INTS6: variants seen among roughly 807,000 people sequenced by gnomAD.
The protein encoded by INTS6 is DEAD box protein.
In INTS6, 16 loss-of-function variants were observed where a neutral mutation model predicts 104.9. The ratio of observed to expected loss-of-function variants is 0.15; its 90% confidence interval spans 0.10 to 0.23. INTS6 has a LOEUF of 0.23. Among genes scored for constraint, INTS6 ranks in the 10% least tolerant of loss-of-function variants. The pLI, the probability that INTS6 is intolerant of heterozygous loss-of-function variation, is 1.00. For synonymous variants in INTS6, 324 were observed against 358.7 expected (o/e 0.90, Z 1.09); for missense variants, 584 against 1,062.8 (o/e 0.55, Z 6.26).
rs549014143 is a variant in INTS6, at chr13:51,406,432, CCACCTCCTCCCTGTTTCTTACGT to C, written c.430-10972_430-10950del. 6.9e-4 allele frequency among the ~76,000 whole-genome samples: 103 copies of C among 148,722 alleles called. 1 individual carries two copies. The highest frequency in any genetic ancestry group is 3.0e-3 in the East Asian group (15 of 5,046). The stretch of plus-strand genomic sequence containing the variant: ...GCATCATTTATCGAATAATGGATAA[CCACCTCCTCCCTGTTTCTTACGT>C]CACCTCCTCCCTGTTTCTTACACCC... On this transcript the variant is annotated intron_variant, in intron 4 of 17. Coordinates refer to ENST00000311234, the MANE Select transcript of INTS6 (RefSeq NM_012141.3).
chr13:51,442,766 G>A (rs1410482387), intron 3 of INTS6: 2 of 152,232 alleles, frequency 1.3e-5, no homozygotes, highest in Admixed American at 1.3e-4. Flanking sequence ...CTGATGACCT[G>A]AGGTGGAAAA....
At chr13:51,347,341 G>A in the INTS6 span, 126 of 956,016 alleles carry the variant, frequency 1.3e-4, no homozygotes, top group Non-Finnish European at 1.3e-4. Context: ...ATGTGTTTCC[G>A]CAGGGTCCAT....
chr13:51,440,656 T>C (rs1952779665), intron 3 of INTS6: 3 of 152,240 alleles, frequency 2.0e-5, no homozygotes, highest in African/African-American at 7.2e-5. Flanking sequence ...TATATCTGTT[T>C]AGACACATGA....
the INTS6 span, chr13:51,339,853 A>T: frequency 6.6e-6 from 1 of 152,038 alleles, no homozygotes; most frequent in Admixed American, 6.6e-5. Flanking sequence ...ATGGGAGGTT[A>T]TAAGAGCTGT....
At chr13:51,404,957 T>A (rs1478402103) in intron 4 of INTS6, among the ~76,000 whole-genome samples, 2 of 152,154 alleles carry the variant, frequency 1.3e-5, no homozygotes, top group African/African-American at 2.4e-5. Flanking sequence ...TTCAAAAACA[T>A]GTAAGTAAAC....
downstream of INTS6, among the ~76,000 whole-genome samples, chr13:51,351,928 T>C (rs1209172186): frequency 6.6e-6 from 1 of 152,136 alleles, no homozygotes; most frequent in Non-Finnish European, 1.5e-5. Context: ...CTTGGCATCT[T>C]TGTCAAAATC....
chr13:51,396,862 A>C (rs1593704276), intron 4 of INTS6, among the ~76,000 whole-genome samples: 2 of 152,222 alleles, frequency 1.3e-5, no homozygotes, highest in African/African-American at 4.8e-5. Context: ...GGCAAAAGCG[A>C]AGATTTTTGA....
the INTS6 span, chr13:51,340,746 C>T: frequency 3.0e-6 from 1 of 334,314 alleles, no homozygotes; most frequent in Middle Eastern, 8.6e-4. Flanking sequence ...TCTTACATTT[C>T]TTTTCCCAAC....
intron 4 of INTS6, among the ~76,000 whole-genome samples, chr13:51,419,595 T>C (rs1371644318): frequency 6.6e-6 from 1 of 152,222 alleles, no homozygotes; most frequent in Non-Finnish European, 1.5e-5. Flanking sequence ...TTCTCAACTG[T>C]ACCATCTTAT....
At chr13:51,341,336 A>G in the INTS6 span, 1 of 1,599,534 alleles carries the variant, frequency 6.3e-7, no homozygotes, top group South Asian at 1.1e-5. Flanking sequence ...GCCCTGGGGT[A>G]CACTGTCCAT....
chr13:51,399,991 A>AGTG (rs1263833088), intron 4 of INTS6, among the ~76,000 whole-genome samples: 1 of 152,214 alleles, frequency 6.6e-6, no homozygotes, highest in Non-Finnish European at 1.5e-5. Context: ...GGAAGTGAGC[A>AGTG]GTGGGCAAGC....
intron 7 of INTS6, among the ~76,000 whole-genome samples, chr13:51,386,368 G>A (rs909651810): frequency 5.9e-5 from 9 of 152,050 alleles, no homozygotes; most frequent in Admixed American, 4.6e-4. Context: ...TGTAAGAGTT[G>A]AAAGAGCTCC....
rs754515149 is a variant in INTS6 at position 51,376,079 on chromosome 13, G to T, written c.1698C>A (p.Ser566Arg). ...CCTGTCCTTTCAGAAATCTGCGAGT[G>T]CTCTTCAAAAGATTAGATCTCATTC... ...LTRMRSNLLK[S>R]TRRFLKGQDE... Residue 566 changes from serine to arginine, a missense_variant, in exon 13 of 18, where the codon AGC becomes AGA. By Grantham distance (110) the Ser-to-Arg change is moderately radical. This residue lies in a region of INTS6 where 296 missense variants were observed against 437.0 expected (regional missense o/e 0.68). Coordinates refer to ENST00000311234, the MANE Select transcript of INTS6 (RefSeq NM_012141.3). 1.2e-6 allele frequency: 2 copies of T among 1,610,924 alleles called. No individual in the cohort carries two copies. The highest frequency in any genetic ancestry group is 2.7e-5 in the African/African-American group (2 of 74,806).
intron 4 of INTS6, among the ~76,000 whole-genome samples, chr13:51,410,332 A>G (rs1190361279): frequency 6.6e-6 from 1 of 152,222 alleles, no homozygotes; most frequent in South Asian, 2.1e-4. Flanking sequence ...AACTCGTTAT[A>G]AAACCACAGT....
At chr13:51,438,447 A>G (rs1039458813) in intron 3 of INTS6, 1 of 152,182 alleles carries the variant, frequency 6.6e-6, no homozygotes, top group Non-Finnish European at 1.5e-5. Flanking sequence ...CAGATGTCAC[A>G]TACGGATGAC....
intron 2 of INTS6, chr13:51,451,682 C>A: frequency 5.7e-6 from 1 of 176,262 alleles, no homozygotes; most frequent in South Asian, 1.7e-4. Flanking sequence ...TGCTGCCGCT[C>A]ACGCCGCGGA....
Position 51,379,506 on chromosome 13 carries a change from G to A in INTS6, c.1342C>T (p.Leu448Phe). ...NLIADSMEYG[L>F]SYSVISYLKK... ...AGGTATGAAATGACACTGTAACTAA[G>A]TCCATATTCCATACTGTCTGCTATT... is the stretch of plus-strand genomic sequence containing the variant. The change falls in exon 11 of 18, where the codon CTT becomes TTT. Residue 448 changes from leucine (L) to phenylalanine (F), a missense_variant. Around this residue, in one of 5 missense-constraint regions of INTS6, gnomAD observed 144 missense variants for 348.7 expected, o/e 0.41. Transcript: ENST00000311234. 6.2e-7 allele frequency: 1 copy of A among 1,604,924 alleles called. No individual in the cohort carries two copies. The highest frequency in any genetic ancestry group is 2.3e-5 in the East Asian group (1 of 44,432).
chr13:51,396,146 GCCT>G (rs1956333548), intron 4 of INTS6, among the ~76,000 whole-genome samples: 1 of 152,020 alleles, frequency 6.6e-6, no homozygotes, highest in Non-Finnish European at 1.5e-5. Flanking sequence ...AAATGATTTG[GCCT>G]CCTGTGTCCA....
At chr13:51,344,547 C>T in the INTS6 span, 3 of 1,348,588 alleles carry the variant, frequency 2.2e-6, no homozygotes, top group Non-Finnish European at 3.1e-6. Context: ...CAGAGTCTCA[C>T]CCATCACTTG....
Sources: gnomAD v4.1 joint callset for allele counts (sites outside exome capture counted in the v4.1 genomes callset) on GRCh38, gnomAD v4.1.1 for gene constraint, gnomAD v4.1.1 regional missense constraint, MANE v1.5 for transcripts, NCBI Gene and HGNC (gene_info 2026-07-23, HGNC 2026-07-21) for gene names.